The following GABRA6 variants were observed in gnomAD, a reference collection of about 807,000 sequenced individuals.
The protein encoded by GABRA6 is gamma-aminobutyric acid receptor subunit alpha-6.
GABRA6 carries 45 observed loss-of-function variants against 47.3 expected under a neutral mutation model. The observed-to-expected ratio is 0.95, with a 90% CI of 0.75 to 1.22. The LOEUF is 1.22. GABRA6 is among the 50% of genes most tolerant of loss of function. The pLI, the probability that GABRA6 is intolerant of heterozygous loss-of-function variation, is 0.00. For missense variants in GABRA6, 583 were observed against 549.3 expected (o/e 1.06, Z -0.61); for synonymous variants, 219 against 194.7 (o/e 1.12, Z -1.04).
intron 3 of GABRA6, chr5:161,687,483 T>C (rs745580098): frequency 1.0e-4 from 46 of 455,584 alleles, no homozygotes; most frequent in Non-Finnish European, 1.8e-4. Context: ...ACCTTTTACA[T>C]TGAGGATGGA....
At chr5:161,688,491 T>TTATC (rs1244597694) in intron 3 of GABRA6, among the ~76,000 whole-genome samples, 15 of 152,152 alleles carry the variant, frequency 9.9e-5, no homozygotes, top group Non-Finnish European at 2.1e-4. Context: ...CAAGTAAGGT[T>TTATC]TATCTATGTG....
intron 8 of GABRA6, 91 bp downstream of exon 8, chr5:161,692,291 G>A: frequency 6.8e-7 from 1 of 1,480,308 alleles, no homozygotes; most frequent in Non-Finnish European, 9.4e-7. Context: ...AAAGTAATGT[G>A]AGTTGAGCAC....
intron 8 of GABRA6, 149 bp from the exon 9 acceptor site, chr5:161,701,349 C>A: frequency 1.2e-6 from 1 of 856,044 alleles, no homozygotes; most frequent in Non-Finnish European, 1.9e-6. Flanking sequence ...GTAACACCAA[C>A]AAATACTATT....
intron 8 of GABRA6, 75 bp from the exon 9 acceptor site, chr5:161,701,423 G>C (rs1754978179): frequency 1.3e-6 from 2 of 1,487,206 alleles, no homozygotes; most frequent in African/African-American, 1.4e-5. Context: ...TGTCAATGGT[G>C]AAAGAGTGAA....
intron 8 of GABRA6, among the ~76,000 whole-genome samples, chr5:161,695,624 C>T (rs1186924457): frequency 1.3e-5 from 2 of 152,076 alleles, no homozygotes; most frequent in African/African-American, 2.4e-5. Context: ...TCACTATGTT[C>T]CTGACAGTCA....
chr5:161,699,395 C>T (rs930058398), intron 8 of GABRA6, among the ~76,000 whole-genome samples: 1 of 151,930 alleles, frequency 6.6e-6, no homozygotes, highest in Non-Finnish European at 1.5e-5. Flanking sequence ...TATTTTAATA[C>T]TATATTTAAT....
At chr5:161,690,379 G>A (rs749349609) in intron 7 of GABRA6, 26 bp downstream of exon 7, 6 of 1,605,730 alleles carry the variant, frequency 3.7e-6, no homozygotes, top group East Asian at 2.2e-5. Flanking sequence ...TGTACTTCAC[G>A]TACATTCATC....
chr5:161,697,412 A>G (rs1185153240), intron 8 of GABRA6, among the ~76,000 whole-genome samples: 1 of 152,192 alleles, frequency 6.6e-6, no homozygotes, highest in Non-Finnish European at 1.5e-5. Context: ...GTCAATTGCC[A>G]GTTATTTAGC....
intron 8 of GABRA6, 96 bp from the exon 9 acceptor site, chr5:161,701,402 C>T (rs1754978009): frequency 1.5e-6 from 2 of 1,329,456 alleles, no homozygotes; most frequent in Non-Finnish European, 2.1e-6. Flanking sequence ...AGTAAGTCGT[C>T]AATAAATATT....
intron 2 of GABRA6, among the ~76,000 whole-genome samples, 197 bp downstream of exon 2, chr5:161,686,545 C>T (rs1453961334): frequency 3.3e-5 from 5 of 152,160 alleles, no homozygotes; most frequent in Non-Finnish European, 2.9e-5. Context: ...ACTCTCTAAG[C>T]CTCATTTCCT....
chr5:161,687,311 A>T (rs151060482), intron 3 of GABRA6: 2 of 413,304 alleles, frequency 4.8e-6, no homozygotes, highest in East Asian at 1.1e-4. Flanking sequence ...GCTCCAGCAA[A>T]TTTATTGGAG....
chr5:161,696,136 C>CA (rs1453782353), intron 8 of GABRA6, among the ~76,000 whole-genome samples: 1 of 152,052 alleles, frequency 6.6e-6, no homozygotes, highest in African/African-American at 2.4e-5. Context: ...AAGCTAAGAA[C>CA]AAAAAAGAAA....
At chr5:161,688,260 G>C (rs565966295) in intron 3 of GABRA6, among the ~76,000 whole-genome samples, 1 of 152,184 alleles carries the variant, frequency 6.6e-6, no homozygotes, top group African/African-American at 2.4e-5. Context: ...GCAATACTTT[G>C]ATATAATTAC....
At chr5:161,687,769 T>C (rs1056045329) in intron 3 of GABRA6, 1 of 164,264 alleles carries the variant, frequency 6.1e-6, no homozygotes, top group African/African-American at 2.4e-5. Context: ...TTTTTCATTT[T>C]CTGCTTTTTT....
At position 161,702,178 on chromosome 5, in the gene GABRA6, G is replaced by T. The variant is rs1360658391; in HGVS notation, c.*405G>T. Reference sequence around the variant, plus strand: ...GTTTATTTTGGCTTAGTTCCCGAGAGGGCAAAATATAAATACAGTCTAAAT... The same window carrying T: ...GTTTATTTTGGCTTAGTTCCCGAGATGGCAAAATATAAATACAGTCTAAAT... On this transcript the variant is annotated 3_prime_UTR_variant, in exon 9 of 9. Transcript: ENST00000274545. 3 of 221,964 alleles carry T rather than the reference G, an allele frequency of 1.4e-5. No homozygotes were observed. The highest frequency in any genetic ancestry group is 1.8e-5 in the Non-Finnish European group (2 of 109,842). 13.7% of individuals were successfully genotyped at this position (221,964 alleles called of 1,614,324 possible). A position where few individuals can be genotyped will look rare whatever the true frequency, so the allele number is the denominator to read the frequency against.
intron 8 of GABRA6, among the ~76,000 whole-genome samples, chr5:161,693,979 A>C (rs1007930276): frequency 4.6e-5 from 7 of 152,174 alleles, no homozygotes; most frequent in Non-Finnish European, 1.0e-4. Flanking sequence ...GAGTCCCAAA[A>C]TTCTTCCTTT....
chr5:161,696,253 G>A (rs149365024), intron 8 of GABRA6, among the ~76,000 whole-genome samples: 1 of 152,204 alleles, frequency 6.6e-6, no homozygotes, highest in Non-Finnish European at 1.5e-5. Flanking sequence ...AGGTGGTAAG[G>A]TGCACTGGGC....
chr5:161,687,184 A>G (rs1754717384), intron 3 of GABRA6, among the ~76,000 whole-genome samples, 181 bp downstream of exon 3: 1 of 152,126 alleles, frequency 6.6e-6, no homozygotes, highest in African/African-American at 2.4e-5. Flanking sequence ...ACATTTCACT[A>G]AGGGCTTGAA....
chr5:161,691,081 A>G (rs1173468583), intron 7 of GABRA6, among the ~76,000 whole-genome samples: 1 of 152,018 alleles, frequency 6.6e-6, no homozygotes, highest in East Asian at 1.9e-4. Flanking sequence ...TCCCCAGGCC[A>G]TAGTTCAAGA....
Sources: gnomAD v4.1 joint callset for allele counts (sites outside exome capture counted in the v4.1 genomes callset) on GRCh38, gnomAD v4.1.1 for gene constraint, MANE v1.5 for transcripts, NCBI Gene and HGNC (gene_info 2026-07-23, HGNC 2026-07-21) for gene names.